Variants in VPS13B observed in about 807,000 individuals in gnomAD.
The protein encoded by VPS13B is vacuolar protein sorting 13 homolog B.
Under a neutral mutation model 426.4 loss-of-function variants are expected in VPS13B, and 285 were observed. The observed-to-expected ratio is 0.67, with a 90% CI of 0.61 to 0.74. VPS13B has a LOEUF of 0.74. VPS13B is among the 30% of genes least tolerant of loss of function. The pLI is 0.00. For synonymous variants in VPS13B, 1,676 were observed against 1,676.4 expected (o/e 1.00, Z 0.01); for missense variants, 4,537 against 4,782.6 (o/e 0.95, Z 1.51).
chr8:99,063,279 G>A (rs1015300429), intron 3 of VPS13B, among the ~76,000 whole-genome samples: 3 of 152,216 alleles, frequency 2.0e-5, no homozygotes, highest in African/African-American at 4.8e-5. Flanking sequence ...CGCCTCACCC[G>A]GGAAGTGCAA....
chr8:99,599,858 C>A (rs1259480866), intron 33 of VPS13B, among the ~76,000 whole-genome samples: 1 of 152,088 alleles, frequency 6.6e-6, no homozygotes, highest in African/African-American at 2.4e-5. Context: ...CCACAGGTGG[C>A]CCCTCACCAT....
intron 30 of VPS13B, among the ~76,000 whole-genome samples, chr8:99,533,691 GTGTT>G (rs1231590769): frequency 6.6e-6 from 1 of 152,084 alleles, no homozygotes. Context: ...TCAACACATT[GTGTT>G]TATTTTAAAA....
At chr8:99,613,145 G>A (rs1827914220) in intron 33 of VPS13B, among the ~76,000 whole-genome samples, 1 of 152,150 alleles carries the variant, frequency 6.6e-6, no homozygotes. Context: ...TTAAAGACAA[G>A]TTCAAAGTCT....
intron 22 of VPS13B, among the ~76,000 whole-genome samples, chr8:99,433,782 C>T (rs1315347483): frequency 6.6e-6 from 1 of 151,954 alleles, no homozygotes; most frequent in East Asian, 1.9e-4. Context: ...CTTCTTTCCT[C>T]TTCATTTTCC....
At chr8:99,537,669 T>C (rs1823329719) in intron 30 of VPS13B, among the ~76,000 whole-genome samples, 1 of 152,174 alleles carries the variant, frequency 6.6e-6, no homozygotes. Context: ...TCTGATCACC[T>C]CAAAGGATAA....
Position 99,588,646 on chromosome 8 carries a change from T to G in VPS13B, c.5220+11013T>G, listed in dbSNP as rs189236144. On this transcript the variant is annotated intron_variant, in intron 33 of 61. Transcript: ENST00000357162. Reference sequence around the variant, plus strand: ...TAATATTGTATAGGAATGCTTGTGATTTTTGCACATTGATTTTGTATCCTG... The same window carrying G: ...TAATATTGTATAGGAATGCTTGTGAGTTTTGCACATTGATTTTGTATCCTG... Among the ~76,000 whole-genome samples, 11 of 151,886 alleles carry G rather than the reference T, an allele frequency of 7.2e-5. No homozygotes were observed. The East Asian group carries it at 2.1e-3, about 29-fold the overall frequency.
intron 33 of VPS13B, among the ~76,000 whole-genome samples, chr8:99,580,284 T>G (rs147875717): frequency 2.1e-4 from 31 of 149,572 alleles, no homozygotes; most frequent in Admixed American, 8.0e-4. Context: ...AAGAAGAAAT[T>G]ATGTATATTT....
At chr8:99,696,248 A>C (rs1226407267) in intron 35 of VPS13B, 1 of 191,854 alleles carries the variant, frequency 5.2e-6, no homozygotes, top group Admixed American at 5.7e-5. Flanking sequence ...CTTCAAGGAC[A>C]AGAACAAGAA....
At chr8:99,778,083 T>A (rs1486643187) in intron 41 of VPS13B, among the ~76,000 whole-genome samples, 3 of 151,794 alleles carry the variant, frequency 2.0e-5, no homozygotes, top group Non-Finnish European at 4.4e-5. Flanking sequence ...TACAAAAAAA[T>A]TAGCTGGGCG....
intron 21 of VPS13B, among the ~76,000 whole-genome samples, chr8:99,408,261 G>A (rs996161049): frequency 5.9e-5 from 9 of 152,152 alleles, no homozygotes; most frequent in Non-Finnish European, 1.2e-4. Context: ...GCACTGTAGG[G>A]AGAAAAGTGT....
intron 39 of VPS13B, among the ~76,000 whole-genome samples, chr8:99,743,895 C>G (rs1162350791): frequency 6.0e-5 from 9 of 150,854 alleles, no homozygotes; most frequent in South Asian, 4.2e-4. Flanking sequence ...TAGGCAATAC[C>G]ATTCAGGACA....
rs768801125 is a variant in VPS13B, at chr8:99,835,549, GT to G, written c.9756del (p.Phe3252LeufsTer39). 2 of 1,614,060 alleles carry G rather than the reference GT, an allele frequency of 1.2e-6. No homozygotes were observed. The highest frequency in any genetic ancestry group is 2.2e-5 in the South Asian group (2 of 91,080). On this transcript the variant is annotated frameshift_variant, in exon 54 of 62. Coordinates refer to ENST00000357162, the MANE Select transcript of VPS13B (RefSeq NM_152564.5). LOFTEE classifies it high-confidence loss of function. ...TTTTTAAAATTTCAGATATTCCAAA[GT>G]TTGAGGTTTATTGCAAAAAAATTCC... ...IKENIKDIPKFEVYCKKIPSE... is the reference protein window; with the variant it reads ...IKENIKDIPKXEVYCKKIPSE...
At chr8:99,529,070 T>C (rs962713923) in intron 30 of VPS13B, among the ~76,000 whole-genome samples, 1 of 152,134 alleles carries the variant, frequency 6.6e-6, no homozygotes, top group Admixed American at 6.5e-5. Context: ...CATCTACCCT[T>C]ATTTTAATAA....
At chr8:99,493,718 G>A (rs1251938504) in intron 25 of VPS13B, among the ~76,000 whole-genome samples, 1 of 149,672 alleles carries the variant, frequency 6.7e-6, no homozygotes, top group Non-Finnish European at 1.5e-5. Flanking sequence ...GGAGGCGGAG[G>A]TTGCAGTGAG....
intron 36 of VPS13B, 49 bp from the exon 37 acceptor site, chr8:99,717,122 T>A (rs1420375020): frequency 1.4e-5 from 20 of 1,474,984 alleles, no homozygotes; most frequent in Non-Finnish European, 1.9e-5. Flanking sequence ...TTCCCAAACA[T>A]TTTTTTTGAT....
rs1265992509 is a variant in VPS13B, at chr8:99,832,409, C to G, written c.9371C>G (p.Pro3124Arg). ...GACAGTGCTACTTTTAGCATTTGCC[C>G]AGGTGGAGAGCAGCCTGCTATGAAA... is the stretch of plus-strand genomic sequence containing the variant. ...VPDSATFSICPGGEQPAMKSS... is the reference protein window; with the variant it reads ...VPDSATFSICRGGEQPAMKSS... Residue 3124 changes from proline (P) to arginine (R), a missense_variant, in exon 52 of 62, where the codon CCA becomes CGA. This residue lies in a region of VPS13B where 4,311 missense variants were observed against 4,474.3 expected (regional missense o/e 0.96). Transcript: ENST00000357162. The G allele has an allele frequency of 5.3e-6, 8 of 1,520,824 alleles. No individual in the cohort carries two copies. Among genetic ancestry groups the G allele is most frequent in the Non-Finnish European group, 6.2e-6 (7 of 1,135,334 alleles). 94.2% of individuals were successfully genotyped at this position (1,520,824 alleles called of 1,614,324 possible).
intron 35 of VPS13B, among the ~76,000 whole-genome samples, chr8:99,668,980 A>G (rs1788151): frequency 0.14 from 20,715 of 152,076 alleles, 1,963 homozygotes; most frequent in East Asian, 0.39. Flanking sequence ...ATTCCCAACC[A>G]AGGAAAATTC....
chr8:99,536,003 G>C (rs1823196648), intron 30 of VPS13B, among the ~76,000 whole-genome samples: 1 of 146,360 alleles, frequency 6.8e-6, no homozygotes, highest in African/African-American at 2.6e-5. Context: ...AGAGTGGATT[G>C]TAATGGCACG....
At chr8:99,361,739 A>G (rs1157195575) in intron 19 of VPS13B, among the ~76,000 whole-genome samples, 4 of 152,206 alleles carry the variant, frequency 2.6e-5, no homozygotes, top group African/African-American at 7.2e-5. Context: ...GTGCTGGAAC[A>G]TGATGCCTGT....
Sources: gnomAD v4.1 joint callset for allele counts (sites outside exome capture counted in the v4.1 genomes callset) on GRCh38, gnomAD v4.1.1 for gene constraint, gnomAD v4.1.1 regional missense constraint, MANE v1.5 for transcripts, NCBI Gene and HGNC (gene_info 2026-07-23, HGNC 2026-07-21) for gene names.